The following CPA6 variants were observed in gnomAD, a reference collection of about 807,000 sequenced individuals.
The protein encoded by CPA6 is carboxypeptidase B.
Under a neutral mutation model 63.3 loss-of-function variants are expected in CPA6, and 58 were observed. The observed-to-expected ratio is 0.92, with a 90% CI of 0.74 to 1.14. The LOEUF (loss-of-function observed/expected upper bound fraction) is 1.14, where lower values mean the gene tolerates loss of function less well. Among genes scored for constraint, CPA6 ranks in the 50% most tolerant of loss-of-function variants. The pLI, the probability that CPA6 is intolerant of heterozygous loss-of-function variation, is 0.00. For missense variants in CPA6, 565 were observed against 526.6 expected (o/e 1.07, Z -0.71); for synonymous variants, 185 against 179.0 (o/e 1.03, Z -0.27).
chr8:67,538,930 AT>A (rs1301669783), intron 2 of CPA6, among the ~76,000 whole-genome samples: 1 of 152,126 alleles, frequency 6.6e-6, no homozygotes, highest in Non-Finnish European at 1.5e-5. Flanking sequence ...AAGTGCTGGG[AT>A]TACAGGCATG....
chr8:67,585,120 G>A (rs1438386968), intron 2 of CPA6, among the ~76,000 whole-genome samples: 3 of 151,910 alleles, frequency 2.0e-5, no homozygotes, highest in South Asian at 2.1e-4. Flanking sequence ...ATCAGGTAAC[G>A]AATAGTGCTA....
Position 67,484,719 on chromosome 8 carries a change from G to A in CPA6, c.707C>T (p.Pro236Leu), listed in dbSNP as rs201552815. Residue 236 changes from proline to leucine, a missense_variant, in exon 7 of 11, where the codon CCT becomes CTT. Coordinates refer to ENST00000297770, the MANE Select transcript of CPA6 (RefSeq NM_020361.5). ...MLNHLYFYIM[P>L]VFNVDGYHFS... ...ATGGTATCCATCGACGTTAAACACAGGCATGATATAGAAATATAGATGATT... is the reference window on the plus strand; with the variant it reads ...ATGGTATCCATCGACGTTAAACACAAGCATGATATAGAAATATAGATGATT... The A allele has an allele frequency of 5.8e-5, 94 of 1,609,750 alleles. No homozygotes were observed. Among genetic ancestry groups the A allele is most frequent in the Non-Finnish European group, 7.6e-5 (89 of 1,176,420 alleles).
chr8:67,471,398 T>C (rs1294578961), intron 8 of CPA6, among the ~76,000 whole-genome samples: 1 of 152,236 alleles, frequency 6.6e-6, no homozygotes, highest in Non-Finnish European at 1.5e-5. Flanking sequence ...AATTCAAGGA[T>C]GCATCTGATA....
chr8:67,741,247 C>T (rs1218974452), intron 1 of CPA6, among the ~76,000 whole-genome samples: 1 of 152,180 alleles, frequency 6.6e-6, no homozygotes, highest in Non-Finnish European at 1.5e-5. Context: ...GAGCATATTA[C>T]TTGGTTCCAG....
At chr8:67,637,156 CAT>C (rs1815486387) in intron 1 of CPA6, among the ~76,000 whole-genome samples, 1 of 151,670 alleles carries the variant, frequency 6.6e-6, no homozygotes. Flanking sequence ...AAGAAAAACA[CAT>C]AGTCTTCAGA....
chr8:67,564,972 T>C (rs1320944999), intron 2 of CPA6, among the ~76,000 whole-genome samples: 1 of 152,176 alleles, frequency 6.6e-6, no homozygotes, highest in Non-Finnish European at 1.5e-5. Flanking sequence ...AAAGATGAAC[T>C]GAGAACCGCA....
chr8:67,488,028 T>C (rs1368163560), intron 6 of CPA6, among the ~76,000 whole-genome samples: 1 of 152,218 alleles, frequency 6.6e-6, no homozygotes, highest in Non-Finnish European at 1.5e-5. Flanking sequence ...TGGTAGTTTC[T>C]TTTGCTGTGC....
At chr8:67,653,374 G>A (rs1815895538) in intron 1 of CPA6, among the ~76,000 whole-genome samples, 1 of 152,100 alleles carries the variant, frequency 6.6e-6, no homozygotes, top group Non-Finnish European at 1.5e-5. Flanking sequence ...CTACCCACGA[G>A]CATGGAATGT....
At chr8:67,716,263 G>A (rs565076036) in intron 1 of CPA6, among the ~76,000 whole-genome samples, 3 of 151,674 alleles carry the variant, frequency 2.0e-5, no homozygotes, top group East Asian at 3.9e-4. Flanking sequence ...AGACCTAATA[G>A]GTTGCATTCC....
chr8:67,589,964 G>A (rs947431463), intron 2 of CPA6, among the ~76,000 whole-genome samples: 3 of 151,782 alleles, frequency 2.0e-5, no homozygotes, highest in Non-Finnish European at 4.4e-5. Flanking sequence ...ATGTATACAT[G>A]TGCCATGCTG....
intron 2 of CPA6, among the ~76,000 whole-genome samples, chr8:67,591,102 A>G (rs1222164749): frequency 6.6e-6 from 1 of 151,660 alleles, no homozygotes; most frequent in Non-Finnish European, 1.5e-5. Context: ...CTTTCTACAT[A>G]TGGCTAGCCA....
chr8:67,672,897 T>C (rs904986385), intron 1 of CPA6, among the ~76,000 whole-genome samples: 2 of 148,582 alleles, frequency 1.3e-5, no homozygotes, highest in African/African-American at 5.2e-5. Flanking sequence ...AGGAAGGTAT[T>C]ATTTCACTAA....
intron 6 of CPA6, among the ~76,000 whole-genome samples, chr8:67,502,335 C>T (rs1811845269): frequency 6.6e-6 from 1 of 152,134 alleles, no homozygotes; most frequent in Non-Finnish European, 1.5e-5. Flanking sequence ...TGGTGGCACA[C>T]ACCTGTGGTC....
chr8:67,587,301 T>C (rs1169564059), intron 2 of CPA6, among the ~76,000 whole-genome samples: 2 of 152,064 alleles, frequency 1.3e-5, no homozygotes, highest in Non-Finnish European at 2.9e-5. Flanking sequence ...CTGATGTGAG[T>C]AATACAGATA....
chr8:67,672,982 T>C (rs1272147803), intron 1 of CPA6, among the ~76,000 whole-genome samples: 1 of 152,174 alleles, frequency 6.6e-6, no homozygotes. Flanking sequence ...TTGGGGGCAA[T>C]AGCAAATTCT....
chr8:67,453,438 CA>C (rs1810600179), intron 8 of CPA6, among the ~76,000 whole-genome samples: 1 of 152,078 alleles, frequency 6.6e-6, no homozygotes, highest in Admixed American at 6.5e-5. Context: ...GTCAGGAGTT[CA>C]TTTCTGGATA....
At chr8:67,596,521 G>T (rs546496048) in intron 2 of CPA6, among the ~76,000 whole-genome samples, 2 of 149,348 alleles carry the variant, frequency 1.3e-5, no homozygotes, top group East Asian at 1.9e-4. Context: ...ATTTGGGTAT[G>T]AATTTATTTC....
intron 1 of CPA6, among the ~76,000 whole-genome samples, chr8:67,678,882 A>C (rs988154694): frequency 3.3e-5 from 5 of 152,262 alleles, no homozygotes; most frequent in Non-Finnish European, 5.9e-5. Flanking sequence ...GTATATCGCG[A>C]TATGAGAATG....
intron 1 of CPA6, among the ~76,000 whole-genome samples, chr8:67,727,674 CTT>C (rs1447500387): frequency 6.6e-6 from 1 of 152,194 alleles, no homozygotes; most frequent in African/African-American, 2.4e-5. Flanking sequence ...ACCTGGGAGA[CTT>C]TATCTGCATA....
Sources: gnomAD v4.1 joint callset for allele counts (sites outside exome capture counted in the v4.1 genomes callset) on GRCh38, gnomAD v4.1.1 for gene constraint, MANE v1.5 for transcripts, NCBI Gene and HGNC (gene_info 2026-07-23, HGNC 2026-07-21) for gene names.